The following BRSK2 variants were observed in gnomAD, a reference collection of about 807,000 sequenced individuals.
BRSK2 encodes BR serine/threonine kinase 2.
A neutral mutation model predicts 83.3 loss-of-function variants in BRSK2; 19 were observed. The observed-to-expected ratio is 0.23, with a 90% confidence interval of 0.16 to 0.33. The LOEUF (loss-of-function observed/expected upper bound fraction) is 0.33. BRSK2 is among the 10% of genes least tolerant of loss of function. The probability of loss-of-function intolerance (pLI) is 1.00; values close to 1 mark genes in which losing one functional copy is unlikely to be tolerated. For missense variants in BRSK2, 798 were observed against 1,042.3 expected (o/e 0.77, Z 3.23); for synonymous variants, 519 against 435.4 (o/e 1.19, Z -2.39).
chr11:1,455,215 C>T (rs541703926), intron 16 of BRSK2, among the ~76,000 whole-genome samples: 2 of 152,234 alleles, frequency 1.3e-5, no homozygotes, highest in South Asian at 2.1e-4. Flanking sequence ...ATTGCCAGGA[C>T]TCCAGCACCC....
rs773825103 is a variant in BRSK2, at chr11:1,460,741, C to CA, written c.*18_*19insA. On this transcript the variant is annotated 3_prime_UTR_variant, in exon 20 of 20. Coordinates refer to ENST00000528841, the MANE Select transcript of BRSK2 (RefSeq NM_001256627.2). The stretch of plus-strand genomic sequence containing the variant: ...AGCCTTAGACACACTAGCCCCCCCC[C>CA]CCAGCACAGCACTGACAGCGGCTGC... 3.5e-6 allele frequency: 5 copies of CA among 1,413,764 alleles called. No homozygotes were observed. The African/African-American group carries it at 6.1e-5, about 17-fold the overall frequency. 87.6% of individuals were successfully genotyped at this position (1,413,764 alleles called of 1,614,324 possible). A position where few individuals can be genotyped will look rare whatever the true frequency, so the allele number is the denominator to read the frequency against.
intron 1 of BRSK2, among the ~76,000 whole-genome samples, chr11:1,424,303 C>G (rs899996214): frequency 2.0e-5 from 3 of 152,186 alleles, no homozygotes; most frequent in South Asian, 2.1e-4. Flanking sequence ...GGCCCTCACC[C>G]CCTACTGCCT....
chr11:1,436,565 G>A (rs533764684), intron 2 of BRSK2, among the ~76,000 whole-genome samples: 50 of 152,192 alleles, frequency 3.3e-4, no homozygotes, highest in Middle Eastern at 6.8e-3. Flanking sequence ...GGCTCCATCC[G>A]GTGGTGTCTG....
At chr11:1,446,668 T>C (rs1444840243) in intron 12 of BRSK2, among the ~76,000 whole-genome samples, 1 of 146,234 alleles carries the variant, frequency 6.8e-6, no homozygotes, top group African/African-American at 2.6e-5. Context: ...CTCTGCTGGG[T>C]GGGGGCAGGG....
At chr11:1,459,394 C>T in intron 19 of BRSK2, 155 bp downstream of exon 19, 1 of 818,888 alleles carries the variant, frequency 1.2e-6, no homozygotes, top group South Asian at 1.5e-5. Context: ...CCATCCTCTA[C>T]CAGGAGCAGC....
In BRSK2 at chr11:1,454,476, A is replaced by T. The variant is rs55744154; in HGVS notation, c.1545-9A>T. The T allele has an allele frequency of 6.2e-7, 1 of 1,612,384 alleles. No homozygotes were observed. The highest frequency in any genetic ancestry group is 1.3e-5 in the African/African-American group (1 of 74,860). ...TCAATCCTCACAGCCTCTGTCTCCC[A>T]CTGCCCAGGCTGGCGAAGAAGTCCT... On this transcript the variant is annotated splice_polypyrimidine_tract_variant and intron_variant, in intron 15 of 19. Transcript: ENST00000528841. This position sits in a 1 kb window ranked among gnomAD's most constrained non-coding sequence, Gnocchi z 5.2.
chr11:1,436,561 A>G (rs1286586938), intron 2 of BRSK2, among the ~76,000 whole-genome samples: 1 of 151,998 alleles, frequency 6.6e-6, no homozygotes, highest in Non-Finnish European at 1.5e-5. Flanking sequence ...CGTCGGCTCC[A>G]TCCGGTGGTG....
intron 1 of BRSK2, among the ~76,000 whole-genome samples, chr11:1,399,495 C>G (rs1564793655): frequency 6.6e-6 from 1 of 152,174 alleles, no homozygotes; most frequent in Non-Finnish European, 1.5e-5. Context: ...GTGGAGCTCT[C>G]TCTGCTGGGG....
At chr11:1,412,766 A>G (rs939627014) in intron 1 of BRSK2, among the ~76,000 whole-genome samples, 4 of 149,722 alleles carry the variant, frequency 2.7e-5, no homozygotes, top group Non-Finnish European at 5.9e-5. Context: ...GGAGTGGGCA[A>G]CGGTGCCCTG....
At chr11:1,426,890 C>T (rs972509841) in intron 1 of BRSK2, among the ~76,000 whole-genome samples, 8 of 152,110 alleles carry the variant, frequency 5.3e-5, no homozygotes, top group South Asian at 2.1e-4. Context: ...GGGACCACTC[C>T]GCCTGGTGGG....
intron 1 of BRSK2, among the ~76,000 whole-genome samples, chr11:1,395,150 C>T (rs1845991682): frequency 6.6e-6 from 1 of 152,206 alleles, no homozygotes; most frequent in African/African-American, 2.4e-5. Flanking sequence ...CACATCAGGC[C>T]CTGGCCATCT....
At chr11:1,445,710 C>T (rs1425637570) in intron 11 of BRSK2, 42 bp downstream of exon 11, 1 of 1,611,022 alleles carries the variant, frequency 6.2e-7, no homozygotes, top group African/African-American at 1.3e-5. Context: ...CTGCACTGCC[C>T]CACCGGGGTC....
intron 1 of BRSK2, among the ~76,000 whole-genome samples, chr11:1,403,891 G>A (rs1846659639): frequency 1.3e-5 from 2 of 152,196 alleles, no homozygotes. Context: ...GGAGGCGGCC[G>A]GGCTCCAGGC....
At chr11:1,420,649 C>A (rs1039069438) in intron 1 of BRSK2, among the ~76,000 whole-genome samples, 1 of 152,204 alleles carries the variant, frequency 6.6e-6, no homozygotes, top group Non-Finnish European at 1.5e-5. Context: ...ATCTCCACCC[C>A]CTTGGTCCCC....
intron 18 of BRSK2, chr11:1,456,915 C>T (rs1370289260): frequency 1.3e-6 from 2 of 1,587,168 alleles, no homozygotes; most frequent in African/African-American, 1.3e-5. Flanking sequence ...ACATAGGGCG[C>T]AGCCGCACCA....
chr11:1,427,934 G>A (rs991460178), intron 1 of BRSK2, among the ~76,000 whole-genome samples: 11 of 152,226 alleles, frequency 7.2e-5, no homozygotes, highest in Non-Finnish European at 1.6e-4. Flanking sequence ...GAAACTCGGA[G>A]CTGAGGGATA....
chr11:1,426,598 G>T (rs183988015), intron 1 of BRSK2, among the ~76,000 whole-genome samples: 2 of 151,982 alleles, frequency 1.3e-5, no homozygotes, highest in African/African-American at 4.8e-5. Flanking sequence ...TGAAGGTGCC[G>T]CGTGTCTTCT....
chr11:1,401,461 G>T (rs536998886), intron 1 of BRSK2, among the ~76,000 whole-genome samples: 1 of 152,174 alleles, frequency 6.6e-6, no homozygotes, highest in Non-Finnish European at 1.5e-5. Flanking sequence ...GTCCAGGGTC[G>T]CTCAGGAGCC....
chr11:1,447,059 T>C (rs1852246892), intron 12 of BRSK2, among the ~76,000 whole-genome samples: 1 of 152,012 alleles, frequency 6.6e-6, no homozygotes, highest in South Asian at 2.1e-4. Flanking sequence ...CATGGCCCCC[T>C]GGGAGTCCTA....
Sources: allele counts gnomAD v4.1 joint callset (sites outside exome capture counted in the v4.1 genomes callset), GRCh38; gene constraint gnomAD v4.1.1; non-coding constraint Gnocchi (gnomAD v3.1); transcripts MANE v1.5; gene names NCBI Gene and HGNC (gene_info 2026-07-23, HGNC 2026-07-21).